TRIM24: variants seen among roughly 807,000 people sequenced by gnomAD.
TRIM24 encodes tripartite motif containing 24, also known as transcription intermediary factor 1-alpha.
Under a neutral mutation model 123.9 loss-of-function variants are expected in TRIM24, and 29 were observed. The observed-to-expected ratio is 0.23, with a 90% CI of 0.17 to 0.32. The LOEUF (loss-of-function observed/expected upper bound fraction) is 0.32. TRIM24 is among the 10% of genes least tolerant of loss of function. The pLI, the probability that TRIM24 is intolerant of heterozygous loss-of-function variation, is 1.00. For missense variants in TRIM24, 932 were observed against 1,295.3 expected, an observed-to-expected ratio of 0.72 and a Z score of 4.31; for synonymous variants, 456 against 461.1, an observed-to-expected ratio of 0.99 and a Z score of 0.14.
intron 5 of TRIM24, among the ~76,000 whole-genome samples, chr7:138,527,595 A>G (rs906800261): frequency 2.6e-5 from 4 of 152,218 alleles, no homozygotes; most frequent in African/African-American, 9.6e-5. Context: ...ATTATCTGGA[A>G]GAATTTCCAG....
rs1217525788 is a variant in TRIM24 at position 138,589,387 on chromosome 7, AC to A, written c.*4438del. On this transcript the variant is annotated 3_prime_UTR_variant, in exon 19 of 19. Transcript: ENST00000343526. ...GATGGATTTTTACTGTCAATATTTT[AC>A]CACAAGGATTTTTTAATAGAAAAAT... The A allele has an allele frequency of 6.6e-6, 1 of 152,154 alleles. No homozygotes were observed. Among genetic ancestry groups the A allele is most frequent in the African/African-American group, 2.4e-5 (1 of 41,440 alleles). 9.4% of individuals were successfully genotyped at this position (152,154 alleles called of 1,614,324 possible).
At chr7:138,525,196 C>G (rs947108237) in intron 4 of TRIM24, 45 bp from the exon 5 acceptor site, 1 of 880,282 alleles carries the variant, frequency 1.1e-6, no homozygotes, top group African/African-American at 1.8e-5. Context: ...TGGACTTTTT[C>G]CTCATTGTAT....
intron 1 of TRIM24, among the ~76,000 whole-genome samples, chr7:138,481,595 G>A (rs1795527352): frequency 6.6e-6 from 1 of 151,906 alleles, no homozygotes; most frequent in Admixed American, 6.6e-5. Context: ...TCGAGCCCAG[G>A]AGTTTGAGAC....
Position 138,550,418 on chromosome 7 carries a change from T to C in TRIM24, c.1144-645T>C, listed in dbSNP as rs538130376. ...GCACTAGAGGAAGTGAATCATTTGG[T>C]TGGATATTGAAATCATCAAAAATTG... On this transcript the variant is annotated intron_variant, in intron 7 of 18. Coordinates refer to ENST00000343526, the MANE Select transcript of TRIM24 (RefSeq NM_015905.3). Among the ~76,000 whole-genome samples the C allele has an allele frequency of 2.0e-4, 30 of 151,936 alleles. No individual in the cohort carries two copies. The South Asian group carries it at 6.3e-3, about 32-fold the overall frequency.
intron 1 of TRIM24, among the ~76,000 whole-genome samples, chr7:138,487,757 T>C (rs1181180798): frequency 1.3e-5 from 2 of 152,204 alleles, no homozygotes. Flanking sequence ...CAGTATTTTA[T>C]TGAGAATTTT....
intron 4 of TRIM24, among the ~76,000 whole-genome samples, chr7:138,524,750 T>G (rs907025401): frequency 6.6e-6 from 1 of 152,174 alleles, no homozygotes; most frequent in African/African-American, 2.4e-5. Context: ...CTCATTATAC[T>G]GTTGCTTAAA....
At chr7:138,577,936 C>T (rs567002301) in intron 14 of TRIM24, among the ~76,000 whole-genome samples, 10 of 152,154 alleles carry the variant, frequency 6.6e-5, no homozygotes, top group African/African-American at 2.4e-4. Flanking sequence ...CAGGAAGATA[C>T]TTGATAATAT....
chr7:138,460,666 G>A lies in TRIM24; in HGVS notation c.118G>A (p.Asp40Asn). 1 of 1,508,066 alleles carries A rather than the reference G, an allele frequency of 6.6e-7. No individual in the cohort carries two copies. Among genetic ancestry groups the A allele is most frequent in the Non-Finnish European group, 8.8e-7 (1 of 1,134,240 alleles). The allele number at this position is 1,508,066 out of a possible 1,614,324, so 93.4% of individuals were successfully genotyped here. A position where few individuals can be genotyped will look rare whatever the true frequency, so the allele number is the denominator to read the frequency against. Residue 40 changes from aspartate (D) to asparagine (N), a missense_variant, in exon 1 of 19, where the codon GAC (aspartate) becomes AAC (asparagine). Transcript: ENST00000343526. ...ENEAESRQGP[D>N]SERGGEAARL... ...CGAGGCCGAGAGTCGGCAGGGCCCGGACTCGGAGCGCGGCGGCGAGGCGGC... is the reference window on the plus strand; with the variant it reads ...CGAGGCCGAGAGTCGGCAGGGCCCGAACTCGGAGCGCGGCGGCGAGGCGGC...
chr7:138,506,261 A>C (rs753085843), intron 2 of TRIM24, among the ~76,000 whole-genome samples: 1 of 152,198 alleles, frequency 6.6e-6, no homozygotes, highest in Non-Finnish European at 1.5e-5. Context: ...TAAACTTTCT[A>C]ATTGTTTAAT....
intron 1 of TRIM24, chr7:138,461,144 C>A: frequency 2.9e-6 from 2 of 696,370 alleles, no homozygotes; most frequent in South Asian, 1.4e-5. Flanking sequence ...GCGCCGCCGC[C>A]GCCGCCGCTG....
At chr7:138,581,396 C>T (rs367818301) in intron 16 of TRIM24, among the ~76,000 whole-genome samples, 1 of 152,274 alleles carries the variant, frequency 6.6e-6, no homozygotes, top group East Asian at 1.9e-4. Flanking sequence ...AAGAGACGTA[C>T]GTTCTTCCTT....
At chr7:138,514,472 A>T (rs1012727291) in intron 2 of TRIM24, 22 of 152,198 alleles carry the variant, frequency 1.4e-4, no homozygotes, top group Non-Finnish European at 2.8e-4. Flanking sequence ...TCTTCCCCTG[A>T]ATCGCACCAC....
intron 7 of TRIM24, 28 bp downstream of exon 7, chr7:138,538,831 C>T: frequency 1.9e-6 from 3 of 1,594,768 alleles, no homozygotes; most frequent in Non-Finnish European, 2.6e-6. Context: ...ATTTAATATA[C>T]TGTAAAAATG....
chr7:138,502,505 T>G (rs979965077), intron 1 of TRIM24, among the ~76,000 whole-genome samples: 1 of 152,208 alleles, frequency 6.6e-6, no homozygotes, highest in African/African-American at 2.4e-5. Flanking sequence ...TTGAACAGTT[T>G]TAAAGTCCAT....
chr7:138,513,489 T>C (rs1225070536), intron 2 of TRIM24, among the ~76,000 whole-genome samples: 1 of 152,174 alleles, frequency 6.6e-6, no homozygotes, highest in African/African-American at 2.4e-5. Context: ...GATCCTGGCA[T>C]CTGCTCAGCT....
chr7:138,483,696 G>C (rs781564869), intron 1 of TRIM24, among the ~76,000 whole-genome samples: 9 of 152,186 alleles, frequency 5.9e-5, no homozygotes, highest in Non-Finnish European at 7.3e-5. Flanking sequence ...TACATTGCCA[G>C]GCAGGGCCAC....
At chr7:138,537,539 A>G (rs1403894987) in intron 6 of TRIM24, among the ~76,000 whole-genome samples, 4 of 152,012 alleles carry the variant, frequency 2.6e-5, no homozygotes, top group Non-Finnish European at 5.9e-5. Flanking sequence ...TAGAGGACCA[A>G]AAATCCAGGG....
intron 14 of TRIM24, among the ~76,000 whole-genome samples, chr7:138,578,466 C>T (rs1325303304): frequency 2.0e-5 from 3 of 151,844 alleles, no homozygotes; most frequent in Non-Finnish European, 4.4e-5. Context: ...TACCTACCAA[C>T]TAAAACAATC....
At position 138,584,822 on chromosome 7, in the gene TRIM24, A is replaced by T; in HGVS notation, c.3024A>T (p.Lys1008Asn). 1 of 1,613,410 alleles carries T rather than the reference A, an allele frequency of 6.2e-7. No homozygotes were observed. The highest frequency in any genetic ancestry group is 8.5e-7 in the Non-Finnish European group (1 of 1,179,760). ...EELLKNLYPE[K>N]RFPKPEFRNE... ...TTCTAAAGAACCTCTATCCAGAAAA[A>T]AGGTTTCCCAAACCAGAATTCAGGA... is the stretch of plus-strand genomic sequence containing the variant. The change falls in exon 19 of 19, where the codon AAA becomes AAT. Residue 1008 changes from lysine to asparagine, a missense_variant. By Grantham distance (94) the Lys-to-Asn change is moderately conservative. Coordinates refer to ENST00000343526, the MANE Select transcript of TRIM24 (RefSeq NM_015905.3).
Sources: gnomAD v4.1 joint callset for allele counts (sites outside exome capture counted in the v4.1 genomes callset) on GRCh38, gnomAD v4.1.1 for gene constraint, MANE v1.5 for transcripts, NCBI Gene and HGNC (gene_info 2026-07-23, HGNC 2026-07-21) for gene names.